SYN3: variants seen among roughly 807,000 people sequenced by gnomAD.
SYN3 encodes the protein synapsin-3.
In SYN3, 35 loss-of-function variants were observed where a neutral mutation model predicts 65.8. The observed-to-expected ratio is 0.53, with a 90% CI of 0.41 to 0.70. SYN3 has a LOEUF of 0.70. SYN3 is among the 30% of genes least tolerant of loss of function. The probability of loss-of-function intolerance (pLI) is 0.00; values close to 1 mark genes in which losing one functional copy is unlikely to be tolerated. For synonymous variants in SYN3, 270 were observed against 292.9 expected, an observed-to-expected ratio of 0.92 and a Z score of 0.80; for missense variants, 680 against 749.0, an observed-to-expected ratio of 0.91 and a Z score of 1.08.
rs191318445 is a variant in SYN3 at position 32,746,697 on chromosome 22, T to C, written c.711+118218A>G. ...ACATGTGTTATGGTTGTCTGTGAGA[T>C]GACTGTTTCCTAACTGGACCATGAG... On this transcript the variant is annotated intron_variant, in intron 6 of 13. Coordinates refer to ENST00000358763, the MANE Select transcript of SYN3 (RefSeq NM_003490.4). 1.8e-3 allele frequency among the ~76,000 whole-genome samples: 272 copies of C among 152,310 alleles called. 1 individual carries two copies. Among genetic ancestry groups the C allele is most frequent in the Non-Finnish European group, 3.4e-3 (233 of 68,020 alleles).
intron 4 of SYN3, among the ~76,000 whole-genome samples, chr22:32,900,860 T>C (rs1430648762): frequency 1.3e-5 from 2 of 152,252 alleles, no homozygotes; most frequent in South Asian, 2.1e-4. Flanking sequence ...TATTCTAAGA[T>C]GGCACATTTA....
chr22:32,715,778 CAAAAAA>C (rs765122891), intron 6 of SYN3, among the ~76,000 whole-genome samples: 1 of 67,616 alleles, frequency 1.5e-5, no homozygotes, highest in Non-Finnish European at 3.0e-5. Flanking sequence ...GACTCTGTCT[CAAAAAA>C]AAAAAAAAAA....
chr22:32,902,747 G>A, intron 4 of SYN3, among the ~76,000 whole-genome samples: 1 of 152,054 alleles, frequency 6.6e-6, no homozygotes. Context: ...CACTGACCAT[G>A]GGAAAATTAC....
intron 3 of SYN3, among the ~76,000 whole-genome samples, chr22:32,974,476 C>A (rs561716320): frequency 1.8e-4 from 27 of 152,234 alleles, no homozygotes; most frequent in Non-Finnish European, 3.8e-4. Flanking sequence ...CTATCAGAGA[C>A]CTTTCTTCCT....
At chr22:32,865,046 C>A in intron 5 of SYN3, 42 bp from the exon 6 acceptor site, 1 of 1,535,726 alleles carries the variant, frequency 6.5e-7, no homozygotes, top group South Asian at 1.1e-5. Flanking sequence ...CTATTGTCAC[C>A]CAGTATAACA....
intron 3 of SYN3, among the ~76,000 whole-genome samples, chr22:32,934,525 C>A (rs1158552731): frequency 1.3e-5 from 2 of 152,300 alleles, no homozygotes; most frequent in East Asian, 3.9e-4. Context: ...AGTAAAAGGG[C>A]ATTCTTCTGT....
intron 4 of SYN3, among the ~76,000 whole-genome samples, chr22:32,904,147 T>C (rs2049837936): frequency 6.6e-6 from 1 of 152,250 alleles, no homozygotes; most frequent in African/African-American, 2.4e-5. Flanking sequence ...GGCAGAGATA[T>C]TTGGCCAAGC....
chr22:32,805,070 G>A (rs1190216629), intron 6 of SYN3, among the ~76,000 whole-genome samples: 1 of 152,152 alleles, frequency 6.6e-6, no homozygotes, highest in East Asian at 1.9e-4. Context: ...AAAGGTGGCT[G>A]GCAGGGCTGA....
chr22:32,957,330 G>T (rs940361743), intron 3 of SYN3, among the ~76,000 whole-genome samples: 5 of 152,132 alleles, frequency 3.3e-5, no homozygotes, highest in African/African-American at 1.2e-4. Context: ...AAGCAGACTC[G>T]TGCTCTCTGG....
At position 33,031,657 on chromosome 22, in the gene SYN3, G is replaced by A. The variant is rs188250419; in HGVS notation, c.-162-24833C>T. Among the ~76,000 whole-genome samples the A allele has an allele frequency of 2.0e-4, 31 of 151,840 alleles. No homozygotes were observed. In the East Asian group the frequency reaches 5.7e-3, roughly 28 times the overall value. ...CTTCCCCTTCTCATTTTCCACATCC[G>A]AGCTGTCCTTTCTCTTCTCAAATAA... On this transcript the variant is annotated intron_variant, in intron 1 of 13. Transcript: ENST00000358763.
At chr22:32,669,641 T>C (rs1241131949) in intron 6 of SYN3, among the ~76,000 whole-genome samples, 2 of 152,236 alleles carry the variant, frequency 1.3e-5, no homozygotes, top group Non-Finnish European at 2.9e-5. Context: ...CATTCTCCCT[T>C]GTTCCAAGGT....
intron 7 of SYN3, among the ~76,000 whole-genome samples, chr22:32,563,944 C>T (rs991584545): frequency 6.6e-6 from 1 of 152,158 alleles, no homozygotes. Flanking sequence ...GCTGGGATTA[C>T]AGGCATGAGC....
At chr22:33,033,815 C>T (rs1041073316) in intron 1 of SYN3, among the ~76,000 whole-genome samples, 3 of 152,240 alleles carry the variant, frequency 2.0e-5, no homozygotes, top group Non-Finnish European at 4.4e-5. Context: ...CAGACTTGTC[C>T]AGGGTCACTC....
At position 32,923,365 on chromosome 22, in the gene SYN3, G is replaced by A. The variant is rs1337310302; in HGVS notation, c.461+8025C>T. Among the ~76,000 whole-genome samples the A allele has an allele frequency of 2.6e-5, 4 of 152,258 alleles. No individual in the cohort carries two copies. In the South Asian group the frequency reaches 6.2e-4, roughly 24 times the overall value. ...ACGGTGAGGGAAGATCTTCCTTGAT[G>A]AGCCTACTGATTCCAACGCTCTTCC... On this transcript the variant is annotated intron_variant, in intron 4 of 13. Transcript: ENST00000358763.
chr22:32,998,002 G>A (rs148186116), intron 2 of SYN3, among the ~76,000 whole-genome samples: 2,073 of 150,240 alleles, frequency 0.014, 22 homozygotes, highest in Non-Finnish European at 0.019. Flanking sequence ...ACTCCAGCCT[G>A]GGTGACAGAG....
intron 4 of SYN3, among the ~76,000 whole-genome samples, chr22:32,904,937 C>T (rs983913647): frequency 1.3e-5 from 2 of 152,064 alleles, no homozygotes; most frequent in Admixed American, 6.6e-5. Flanking sequence ...AATTATATAC[C>T]GTCCCTCAGA....
rs146124803 is a variant in SYN3 at position 32,638,595 on chromosome 22, C to T, written c.712-41859G>A. Among the ~76,000 whole-genome samples the T allele has an allele frequency of 4.2e-4, 64 of 152,202 alleles. No homozygotes were observed. In the East Asian group the frequency reaches 6.4e-3, roughly 15 times the overall value. ...GAGCAGTTTTTCATATGTTTGTTGGCCTCTTGTATGTCTTCTTTTGAGAAG... is the reference window on the plus strand; with the variant it reads ...GAGCAGTTTTTCATATGTTTGTTGGTCTCTTGTATGTCTTCTTTTGAGAAG... On this transcript the variant is annotated intron_variant, in intron 6 of 13. Transcript: ENST00000358763.
At position 33,006,499 on chromosome 22, in the gene SYN3, G is replaced by A. The variant is rs2053200478; in HGVS notation, c.164C>T (p.Pro55Leu). 6.2e-7 allele frequency: 1 copy of A among 1,614,106 alleles called. No individual in the cohort carries two copies. Among genetic ancestry groups the A allele is most frequent in the South Asian group, 1.1e-5 (1 of 91,090 alleles). The change falls in exon 2 of 14, where the codon CCA becomes CTA. Residue 55 changes from proline to leucine, a missense_variant. Coordinates refer to ENST00000358763, the MANE Select transcript of SYN3 (RefSeq NM_003490.4). Reference sequence around the variant, plus strand: ...GAGGGAGCTAAAAAGGCTGGATCCTGGAGAGGAGAAGGAGGCAGCCAGGGG... The same window carrying A: ...GAGGGAGCTAAAAAGGCTGGATCCTAGAGAGGAGAAGGAGGCAGCCAGGGG... ...PQPLAASFSS[P>L]GSSLFSSLSS...
chr22:32,768,106 T>C (rs561623505), intron 6 of SYN3, among the ~76,000 whole-genome samples: 31 of 152,350 alleles, frequency 2.0e-4, no homozygotes, highest in African/African-American at 6.7e-4. Context: ...TATTTGCACA[T>C]AGCTCTGTTG....
Sources: gnomAD v4.1 joint callset for allele counts (sites outside exome capture counted in the v4.1 genomes callset) on GRCh38, gnomAD v4.1.1 for gene constraint, MANE v1.5 for transcripts, NCBI Gene and HGNC (gene_info 2026-07-23, HGNC 2026-07-21) for gene names.